The following CLNK variants were observed in gnomAD, a reference collection of about 807,000 sequenced individuals.
CLNK encodes cytokine dependent hematopoietic cell linker, also known as cytokine-dependent hematopoietic cell linker.
Under a neutral mutation model 68.6 loss-of-function variants are expected in CLNK, and 74 were observed. The observed-to-expected ratio is 1.08, with a 90% CI of 0.89 to 1.31. CLNK has a LOEUF of 1.31. Ranked by LOEUF, CLNK falls within the 50% of genes most tolerant of loss-of-function variation. The pLI is 0.00. For synonymous variants in CLNK, 198 were observed against 172.2 expected (o/e 1.15, Z -1.17); for missense variants, 553 against 515.3 (o/e 1.07, Z -0.71).
chr4:10,539,094 T>G (rs1337543026), intron 11 of CLNK, among the ~76,000 whole-genome samples: 1 of 152,190 alleles, frequency 6.6e-6, no homozygotes, highest in East Asian at 1.9e-4. Context: ...CATTATAGCT[T>G]ACCCAGTCTG....
intron 1 of CLNK, among the ~76,000 whole-genome samples, chr4:10,677,252 A>C (rs1009314808): frequency 6.6e-6 from 1 of 152,154 alleles, no homozygotes; most frequent in Non-Finnish European, 1.5e-5. Flanking sequence ...AAACCCCACC[A>C]TTCCCATGGA....
intron 2 of CLNK, among the ~76,000 whole-genome samples, chr4:10,630,632 C>A (rs1173589529): frequency 1.3e-5 from 2 of 152,052 alleles, no homozygotes; most frequent in Admixed American, 6.5e-5. Flanking sequence ...AAGTCCACTT[C>A]ATTCCAATTT....
At chr4:10,597,177 G>A (rs1721416452) in intron 3 of CLNK, among the ~76,000 whole-genome samples, 1 of 152,216 alleles carries the variant, frequency 6.6e-6, no homozygotes, top group Non-Finnish European at 1.5e-5. Flanking sequence ...GATGTTTGAT[G>A]GATGGACTTG....
chr4:10,566,337 C>A (rs1720114518), intron 5 of CLNK, among the ~76,000 whole-genome samples, 187 bp from the exon 6 acceptor site: 2 of 152,114 alleles, frequency 1.3e-5, no homozygotes, highest in South Asian at 4.2e-4. Flanking sequence ...AGATATCTCC[C>A]AATATTCTCA....
intron 1 of CLNK, among the ~76,000 whole-genome samples, chr4:10,675,314 C>A (rs1293223733): frequency 6.6e-6 from 1 of 152,150 alleles, no homozygotes; most frequent in Non-Finnish European, 1.5e-5. Flanking sequence ...GAGCTCAGAA[C>A]CCACCTGGGG....
chr4:10,507,523 G>T (rs1460830725), intron 17 of CLNK, among the ~76,000 whole-genome samples: 1 of 151,740 alleles, frequency 6.6e-6, no homozygotes, highest in African/African-American at 2.4e-5. Flanking sequence ...GAGTGCAGTG[G>T]CACAGTCTTG....
chr4:10,595,748 G>A (rs372824025), intron 3 of CLNK, among the ~76,000 whole-genome samples: 3 of 152,148 alleles, frequency 2.0e-5, no homozygotes, highest in Non-Finnish European at 2.9e-5. Context: ...TAGCCACTGA[G>A]CCTCTAGGGA....
At chr4:10,577,005 T>C (rs1222878616) in intron 4 of CLNK, among the ~76,000 whole-genome samples, 1 of 152,188 alleles carries the variant, frequency 6.6e-6, no homozygotes, top group Non-Finnish European at 1.5e-5. Flanking sequence ...GCTGTTGCCA[T>C]GGGATATTCA....
chr4:10,621,014 G>C (rs1472962468), intron 2 of CLNK, among the ~76,000 whole-genome samples: 2 of 152,102 alleles, frequency 1.3e-5, no homozygotes, highest in African/African-American at 4.8e-5. Flanking sequence ...GGAGGCTGAG[G>C]CAGGATAATG....
intron 2 of CLNK, among the ~76,000 whole-genome samples, chr4:10,613,503 C>A (rs1041209798): frequency 6.6e-6 from 1 of 152,152 alleles, no homozygotes; most frequent in Non-Finnish European, 1.5e-5. Flanking sequence ...TGTGACAATA[C>A]CCTGTCTGTA....
intron 4 of CLNK, among the ~76,000 whole-genome samples, chr4:10,578,484 C>T (rs1182905779): frequency 6.6e-6 from 1 of 151,360 alleles, no homozygotes; most frequent in Non-Finnish European, 1.5e-5. Context: ...TCATTTGGCA[C>T]ATAACACCAA....
chr4:10,584,747 T>C (rs891953647), intron 4 of CLNK, among the ~76,000 whole-genome samples, 180 bp downstream of exon 4: 3 of 152,152 alleles, frequency 2.0e-5, no homozygotes, highest in South Asian at 2.1e-4. Flanking sequence ...CTCCAAAGCT[T>C]TGGACAGTCA....
intron 7 of CLNK, 104 bp downstream of exon 7, chr4:10,564,567 C>A: frequency 1.3e-6 from 1 of 791,022 alleles, no homozygotes; most frequent in South Asian, 1.5e-5. Context: ...TTGACCTGCT[C>A]TTTCCCTAAT....
At chr4:10,709,160 C>T in the CLNK span, among the ~76,000 whole-genome samples, 1 of 152,216 alleles carries the variant, frequency 6.6e-6, no homozygotes, top group Non-Finnish European at 1.5e-5. Context: ...TATGCTTATA[C>T]TGACTCTATG....
the CLNK span, among the ~76,000 whole-genome samples, chr4:10,690,025 G>A: frequency 1.8e-3 from 280 of 152,238 alleles, 5 homozygotes; most frequent in Admixed American, 2.2e-3. Flanking sequence ...GTGAGCTGAA[G>A]TCATGTCCTC....
At chr4:10,648,511 GT>G (rs1166545399) in intron 2 of CLNK, among the ~76,000 whole-genome samples, 1 of 152,150 alleles carries the variant, frequency 6.6e-6, no homozygotes, top group Non-Finnish European at 1.5e-5. Context: ...ATAATCTCTT[GT>G]CACAGCAGCC....
the CLNK span, among the ~76,000 whole-genome samples, chr4:10,710,909 G>T: frequency 6.6e-6 from 1 of 152,194 alleles, no homozygotes; most frequent in African/African-American, 2.4e-5. Context: ...TGTGGAATCG[G>T]ATAGGTAGAA....
At chr4:10,655,268 A>T (rs1723925502) in intron 2 of CLNK, among the ~76,000 whole-genome samples, 1 of 151,390 alleles carries the variant, frequency 6.6e-6, no homozygotes, top group Admixed American at 6.6e-5. Context: ...AACGTCATAA[A>T]GATGTCATTT....
intron 7 of CLNK, among the ~76,000 whole-genome samples, chr4:10,561,657 G>A (rs1719891898): frequency 6.6e-6 from 1 of 152,050 alleles, no homozygotes; most frequent in Admixed American, 6.6e-5. Flanking sequence ...TCATTTCCTG[G>A]CCACGCTTTA....
Sources: gnomAD v4.1 joint callset for allele counts (sites outside exome capture counted in the v4.1 genomes callset) on GRCh38, gnomAD v4.1.1 for gene constraint, MANE v1.5 for transcripts, NCBI Gene and HGNC (gene_info 2026-07-23, HGNC 2026-07-21) for gene names.